The following TFAP2B variants were observed in gnomAD, a reference collection of about 807,000 sequenced individuals.
TFAP2B encodes the protein transcription factor AP-2 beta.
TFAP2B carries 9 observed loss-of-function variants against 44.3 expected under a neutral mutation model. The observed-to-expected ratio is 0.20, with a 90% CI of 0.12 to 0.35. TFAP2B has a LOEUF of 0.35. Among genes scored for constraint, TFAP2B ranks in the 10% least tolerant of loss-of-function variants. The pLI is 1.00. For synonymous variants in TFAP2B, 270 were observed against 263.8 expected (o/e 1.02, Z -0.23); for missense variants, 509 against 600.0 (o/e 0.85, Z 1.59).
At chr6:50,830,280 A>G in intron 3 of TFAP2B, 1 of 984,798 alleles carries the variant, frequency 1.0e-6, no homozygotes, top group Non-Finnish European at 1.2e-6. Flanking sequence ...ATGACCAATC[A>G]GAAATGTTAT....
intron 4 of TFAP2B, 63 bp from the exon 5 acceptor site, chr6:50,837,910 TAA>T: frequency 7.6e-7 from 1 of 1,319,538 alleles, no homozygotes; most frequent in Non-Finnish European, 1.1e-6. Flanking sequence ...TTTAGATTGC[TAA>T]GTCTAAACTT....
At chr6:50,825,832 C>A (rs1423636120) in intron 2 of TFAP2B, among the ~76,000 whole-genome samples, 1 of 152,090 alleles carries the variant, frequency 6.6e-6, no homozygotes, top group Non-Finnish European at 1.5e-5. Context: ...CGTCACCTGC[C>A]GGGAGGCCCA....
At chr6:50,825,958 A>G (rs2857487) in intron 2 of TFAP2B, among the ~76,000 whole-genome samples, 93,255 of 152,026 alleles carry the variant, frequency 0.61, 29,064 homozygotes, top group African/African-American at 0.72. Flanking sequence ...CAGACCTCCC[A>G]AGGCCAGGGT....
At chr6:50,841,648 A>G (rs192179066) in intron 6 of TFAP2B, among the ~76,000 whole-genome samples, 3 of 152,036 alleles carry the variant, frequency 2.0e-5, no homozygotes, top group African/African-American at 7.3e-5. Context: ...CTTTTTCAAG[A>G]TATTTCTGTA....
rs1263452811 is a variant in TFAP2B, at chr6:50,847,014, T to C, written c.*3622T>C. 6.6e-6 allele frequency: 1 copy of C among 152,662 alleles called. No homozygotes were observed. Among genetic ancestry groups the C allele is most frequent in the Non-Finnish European group, 1.5e-5 (1 of 68,046 alleles). The allele number at this position is 152,662 out of a possible 1,614,324, so 9.5% of individuals were successfully genotyped here. A position where few individuals can be genotyped will look rare whatever the true frequency, so the allele number is the denominator to read the frequency against. On this transcript the variant is annotated 3_prime_UTR_variant, in exon 7 of 7. Coordinates refer to ENST00000393655, the MANE Select transcript of TFAP2B (RefSeq NM_003221.4). The stretch of plus-strand genomic sequence containing the variant: ...CGAGCTTATCTACACACTGTTCCTC[T>C]GCTACAATGCTTTCCTAGTTAAGAG...
chr6:50,840,383 GA>G, intron 6 of TFAP2B, 86 bp downstream of exon 6: 2 of 1,543,910 alleles, frequency 1.3e-6, no homozygotes, highest in South Asian at 2.2e-5. Flanking sequence ...GAGGGGCAGA[GA>G]AAGAAGCCAG....
Position 50,823,578 on chromosome 6 carries a change from C to T in TFAP2B, c.253C>T (p.Pro85Ser). Reference sequence around the variant, plus strand: ...GCTCCCCTACCACCAGAGCCAGGACCCCTACTCCCACGTCAACGACCCCTA... The same window carrying T: ...GCTCCCCTACCACCAGAGCCAGGACTCCTACTCCCACGTCAACGACCCCTA... ...QPLPYHQSQD[P>S]YSHVNDPYSL... is the part of the protein sequence containing the mutation. Residue 85 changes from proline to serine, a missense_variant, in exon 2 of 7, where the codon CCC (proline) becomes TCC (serine). Around this residue, in one of 3 missense-constraint regions of TFAP2B, gnomAD observed 296 missense variants for 308.2 expected, o/e 0.96. Coordinates refer to ENST00000393655, the MANE Select transcript of TFAP2B (RefSeq NM_003221.4). 1 of 1,614,100 alleles carries T rather than the reference C, an allele frequency of 6.2e-7. No homozygotes were observed. Among genetic ancestry groups the T allele is most frequent in the Middle Eastern group, 1.6e-4 (1 of 6,062 alleles).
At chr6:50,831,596 CT>C (rs1770680010) in intron 3 of TFAP2B, among the ~76,000 whole-genome samples, 1 of 151,990 alleles carries the variant, frequency 6.6e-6, no homozygotes, top group Middle Eastern at 3.2e-3. Flanking sequence ...CATTAACAGT[CT>C]AAAAATCCAA....
At chr6:50,836,779 A>G (rs1471391117) in intron 4 of TFAP2B, among the ~76,000 whole-genome samples, 1 of 152,118 alleles carries the variant, frequency 6.6e-6, no homozygotes, top group East Asian at 1.9e-4. Context: ...TTGGTCTTTC[A>G]ACCTGCTGAT....
At chr6:50,825,316 G>T (rs945168837) in intron 2 of TFAP2B, among the ~76,000 whole-genome samples, 6 of 151,826 alleles carry the variant, frequency 4.0e-5, no homozygotes, top group African/African-American at 1.2e-4. Flanking sequence ...AATGCATTGG[G>T]GTAATATGTG....
At chr6:50,832,303 A>C (rs1325720850) in intron 3 of TFAP2B, among the ~76,000 whole-genome samples, 1 of 152,212 alleles carries the variant, frequency 6.6e-6, no homozygotes, top group Non-Finnish European at 1.5e-5. Flanking sequence ...GACTTTCTCA[A>C]GGTCCTATAC....
rs755282416 is a variant in TFAP2B at position 50,823,678 on chromosome 6, C to T, written c.353C>T (p.Ala118Val). 1.2e-6 allele frequency: 2 copies of T among 1,613,822 alleles called. No individual in the cohort carries two copies. Among genetic ancestry groups the T allele is most frequent in the Non-Finnish European group, 1.7e-6 (2 of 1,179,886 alleles). The part of the protein sequence containing the change: ...QRQRQEVGSE[A>V]GSLLPQPRAA... ...CAGCGGCAAGAAGTGGGTTCGGAAG[C>T]CGGCTCTCTCCTGCCCCAGCCTCGG... is the stretch of plus-strand genomic sequence containing the variant. The change falls in exon 2 of 7, where the codon GCC becomes GTC. Residue 118 changes from alanine to valine, a missense_variant. By Grantham distance (64) the Ala-to-Val change is moderately conservative (BLOSUM62 0). Around this residue, in one of 3 missense-constraint regions of TFAP2B, gnomAD observed 296 missense variants for 308.2 expected, o/e 0.96. Coordinates refer to ENST00000393655, the MANE Select transcript of TFAP2B (RefSeq NM_003221.4).
At chr6:50,836,005 C>T (rs886681659) in intron 3 of TFAP2B, 56 bp from the exon 4 acceptor site, 9 of 1,352,748 alleles carry the variant, frequency 6.7e-6, no homozygotes, top group African/African-American at 1.4e-5. Context: ...TTCTATCAGC[C>T]GGTCATCAGG....
rs7769978 is a variant in TFAP2B, at chr6:50,847,516, T to C, written c.*4124T>C. 0.16 allele frequency: 24,179 copies of C among 152,658 alleles called. 2,184 individuals carry two copies. The highest frequency in any genetic ancestry group is 0.24 in the African/African-American group (9,999 of 41,520). 9.5% of individuals were successfully genotyped at this position (152,658 alleles called of 1,614,324 possible). ...AGATAGAATCCTATCTGAATTTTTC[T>C]GTTCTTTATAAACAAGCTGTTATGG... On this transcript the variant is annotated 3_prime_UTR_variant, in exon 7 of 7. Coordinates refer to ENST00000393655, the MANE Select transcript of TFAP2B (RefSeq NM_003221.4).
Position 50,843,364 on chromosome 6 carries a change from G to A in TFAP2B, c.1355G>A (p.Gly452Asp). Residue 452 changes from glycine to aspartate, a missense_variant, in exon 7 of 7, where the codon GGC becomes GAC. By Grantham distance (94) the Gly-to-Asp change is moderately conservative. Coordinates refer to ENST00000393655, the MANE Select transcript of TFAP2B (RefSeq NM_003221.4). ...TSGEGPGSKT[G>D]DKEEKHRK The stretch of plus-strand genomic sequence containing the variant: ...GGGGAAGGCCCAGGTAGTAAAACTG[G>A]CGACAAGGAGGAGAAACACAGGAAA... 1 of 1,614,026 alleles carries A rather than the reference G, an allele frequency of 6.2e-7. No homozygotes were observed. The highest frequency in any genetic ancestry group is 8.5e-7 in the Non-Finnish European group (1 of 1,180,034).
chr6:50,821,958 T>C (rs951797833), intron 1 of TFAP2B: 1 of 323,848 alleles, frequency 3.1e-6, no homozygotes, highest in Non-Finnish European at 5.5e-6. Context: ...GTGACAGGCA[T>C]CGCCAATCTT....
intron 1 of TFAP2B, chr6:50,822,095 T>C (rs1159804199): frequency 1.2e-5 from 16 of 1,299,130 alleles, no homozygotes; most frequent in Non-Finnish European, 1.6e-5. Context: ...TTTTTAATCA[T>C]TGTTTGATTT....
chr6:50,825,433 G>A (rs1024535179), intron 2 of TFAP2B, among the ~76,000 whole-genome samples: 1 of 152,012 alleles, frequency 6.6e-6, no homozygotes, highest in Admixed American at 6.6e-5. Flanking sequence ...TGCTAATGCC[G>A]GCCCTGTTAC....
At chr6:50,818,605 T>C (rs955706416), upstream of TFAP2B, 5 of 393,814 alleles carry the variant, frequency 1.3e-5, no homozygotes, top group African/African-American at 1.0e-4. Flanking sequence ...CTGCAGACTG[T>C]GTGACCCAGA....
Sources: allele counts gnomAD v4.1 joint callset (sites outside exome capture counted in the v4.1 genomes callset), GRCh38; gene constraint gnomAD v4.1.1; regional missense constraint gnomAD v4.1.1; transcripts MANE v1.5; gene names NCBI Gene and HGNC (gene_info 2026-07-23, HGNC 2026-07-21).